ABLIM2: variants seen among roughly 807,000 people sequenced by gnomAD.
ABLIM2 encodes actin-binding LIM protein 2.
A neutral mutation model predicts 97.7 loss-of-function variants in ABLIM2; 53 were observed. That is an observed-to-expected ratio of 0.54 (90% CI 0.44 to 0.68). The LOEUF (loss-of-function observed/expected upper bound fraction) is 0.68. Ranked by LOEUF, ABLIM2 falls within the 30% of genes least tolerant of loss-of-function variation. The pLI is 0.00. For missense variants in ABLIM2, 835 were observed against 867.2 expected (o/e 0.96, Z 0.47); for synonymous variants, 361 against 345.8 (o/e 1.04, Z -0.49).
chr4:8,007,970 A>T, intron 16 of ABLIM2, 89 bp downstream of exon 16: 1 of 1,565,644 alleles, frequency 6.4e-7, no homozygotes. Context: ...CAAGGCTTAG[A>T]TGTAGGGGGA....
Position 8,005,894 on chromosome 4 carries a change from G to A in ABLIM2, c.1618+2165C>T, listed in dbSNP as rs959792365. 2.0e-5 allele frequency among the ~76,000 whole-genome samples: 3 copies of A among 152,198 alleles called. No individual in the cohort carries two copies. Among genetic ancestry groups the A allele is most frequent in the South Asian group, 2.1e-4 (1 of 4,832 alleles). The stretch of plus-strand genomic sequence containing the variant: ...GTCTGTGCTGGAGCAGAATCTCCCC[G>A]GGGAATTCATGAGTGCAGCACGGGC... On this transcript the variant is annotated intron_variant, in intron 16 of 20. Transcript: ENST00000447017. The surrounding 1 kb of genome is among the most constrained non-coding windows in gnomAD (Gnocchi z 4.9).
At chr4:8,100,407 A>G (rs552855156) in intron 2 of ABLIM2, among the ~76,000 whole-genome samples, 6 of 152,270 alleles carry the variant, frequency 3.9e-5, no homozygotes, top group South Asian at 4.1e-4. Flanking sequence ...CCTCATGTGT[A>G]AAATAGAGTT....
rs531325796 is a variant in ABLIM2, at chr4:7,999,108, C to T, written c.1619-6181G>A. Among the ~76,000 whole-genome samples the T allele has an allele frequency of 4.6e-5, 7 of 152,192 alleles. No homozygotes were observed. Among genetic ancestry groups the T allele is most frequent in the East Asian group, 3.9e-4 (2 of 5,174 alleles). The stretch of plus-strand genomic sequence containing the variant: ...GAGACGGAGTTTTGTTCTTGTTCCC[C>T]GGGCTGGAGTACAATGGCGTGATCT... On this transcript the variant is annotated intron_variant, in intron 16 of 20. Coordinates refer to ENST00000447017, the MANE Select transcript of ABLIM2 (RefSeq NM_001130083.2). The surrounding 1 kb of genome is among the most constrained non-coding windows in gnomAD (Gnocchi z 4.4).
rs372895534 is a variant in ABLIM2 at position 7,983,309 on chromosome 4, T to A, written c.1779A>T (p.Arg593=). 6.2e-7 allele frequency: 1 copy of A among 1,612,340 alleles called. No homozygotes were observed. The highest frequency in any genetic ancestry group is 1.3e-5 in the African/African-American group (1 of 74,752). ...YPYDSLIVTN[R]IRVKLPKDVD... is the part of the protein sequence containing the mutation. Reference sequence around the variant, plus strand: ...CGTCTTTGGGCAGTTTCACGCGAATTCGGTTTGTGACGATGAGGGAGTCAT... The same window carrying A: ...CGTCTTTGGGCAGTTTCACGCGAATACGGTTTGTGACGATGAGGGAGTCAT... The change falls in exon 20 of 21, where the codon CGA becomes CGT. Residue 593 remains arginine, a synonymous_variant. Coordinates refer to ENST00000447017, the MANE Select transcript of ABLIM2 (RefSeq NM_001130083.2).
At chr4:7,997,071 C>T (rs960426612) in intron 16 of ABLIM2, among the ~76,000 whole-genome samples, 29 of 152,002 alleles carry the variant, frequency 1.9e-4, no homozygotes, top group African/African-American at 6.3e-4. Flanking sequence ...TTATTTTTTA[C>T]ATATTTATTT....
rs1176928266 is a variant in ABLIM2 at position 8,058,866 on chromosome 4, T to C, written c.763+2101A>G. Among the ~76,000 whole-genome samples, 1 of 152,112 alleles carries C rather than the reference T, an allele frequency of 6.6e-6. No individual in the cohort carries two copies. The highest frequency in any genetic ancestry group is 1.5e-5 in the Non-Finnish European group (1 of 68,016). On this transcript the variant is annotated intron_variant, in intron 7 of 20. Transcript: ENST00000447017. The surrounding 1 kb of genome is among the most constrained non-coding windows in gnomAD (Gnocchi z 4.2). ...CCTCCACTTCTGATTGAGTTCCTCA[T>C]CCCATCTTTGACGACTCAGTCCTTA... is the stretch of plus-strand genomic sequence containing the variant.
chr4:7,970,190 G>A lies in ABLIM2; in HGVS notation c.1825-3087C>T, dbSNP rs79514341. 6.5e-3 allele frequency among the ~76,000 whole-genome samples: 993 copies of A among 152,270 alleles called. 7 individuals carry two copies. The highest frequency in any genetic ancestry group is 9.0e-3 in the Non-Finnish European group (615 of 68,026). On this transcript the variant is annotated intron_variant, in intron 20 of 20. Coordinates refer to ENST00000447017, the MANE Select transcript of ABLIM2 (RefSeq NM_001130083.2). The surrounding 1 kb of genome is among the most constrained non-coding windows in gnomAD (Gnocchi z 5.3). ...CCTGGCAGGGGTAGGCTGGGGTGGT[G>A]AACTGACACGTAAGTAAATATGTAA...
At position 8,054,024 on chromosome 4, in the gene ABLIM2, C is replaced by T. The variant is rs761806424; in HGVS notation, c.822+164G>A. Among the ~76,000 whole-genome samples, 1 of 152,198 alleles carries T rather than the reference C, an allele frequency of 6.6e-6. No homozygotes were observed. The highest frequency in any genetic ancestry group is 1.5e-5 in the Non-Finnish European group (1 of 68,046). ...TCCATCTGTATTATTGCTCACCAGT[C>T]TACTTGTTTACCCTCCCCACCTCCT... On this transcript the variant is annotated intron_variant, in intron 8 of 20. Coordinates refer to ENST00000447017, the MANE Select transcript of ABLIM2 (RefSeq NM_001130083.2). The surrounding 1 kb of genome is among the most constrained non-coding windows in gnomAD (Gnocchi z 4.9).
rs535338281 is a variant in ABLIM2, at chr4:8,010,709, A to T, written c.1424-1607T>A. The T allele has an allele frequency of 1.4e-5, 8 of 575,372 alleles. No individual in the cohort carries two copies. The South Asian group carries it at 5.3e-4, about 38-fold the overall frequency. 35.6% of individuals were successfully genotyped at this position (575,372 alleles called of 1,614,324 possible). A position where few individuals can be genotyped will look rare whatever the true frequency, so the allele number is the denominator to read the frequency against. On this transcript the variant is annotated intron_variant, in intron 14 of 20. Coordinates refer to ENST00000447017, the MANE Select transcript of ABLIM2 (RefSeq NM_001130083.2). ...CCTGCTCTCCCCACTCACAGAGGCA[A>T]ATCAACGCCAAGCCTGCTCAAGAAG...
intron 6 of ABLIM2, among the ~76,000 whole-genome samples, chr4:8,073,408 G>T (rs543752347): frequency 6.6e-6 from 1 of 151,806 alleles, no homozygotes; most frequent in African/African-American, 2.4e-5. Context: ...GCTGTTCTTC[G>T]CGGAGAACGG....
rs1387815697 is a variant in ABLIM2, at chr4:8,132,170, C to T, written c.11-25533G>A. On this transcript the variant is annotated intron_variant, in intron 1 of 20. Coordinates refer to ENST00000447017, the MANE Select transcript of ABLIM2 (RefSeq NM_001130083.2). The surrounding 1 kb of genome is among the most constrained non-coding windows in gnomAD (Gnocchi z 8.0). ...GGAAAGGAAACAGCGTACATGGTCCCACGAGGCTGCAATCACCCCCCTGCT... is the reference window on the plus strand; with the variant it reads ...GGAAAGGAAACAGCGTACATGGTCCTACGAGGCTGCAATCACCCCCCTGCT... Among the ~76,000 whole-genome samples the T allele has an allele frequency of 1.3e-5, 2 of 151,908 alleles. No homozygotes were observed. The highest frequency in any genetic ancestry group is 4.8e-5 in the African/African-American group (2 of 41,338).
rs1035700056 is a variant in ABLIM2, at chr4:8,015,048, G to C, written c.1423+4570C>G. 1.3e-5 allele frequency among the ~76,000 whole-genome samples: 2 copies of C among 151,944 alleles called. No individual in the cohort carries two copies. The highest frequency in any genetic ancestry group is 4.8e-5 in the African/African-American group (2 of 41,362). ...CAATTCTCGTACTTCAGCCTCCCGA[G>C]TAGCTGGGATTACAGGCGCCGGCCA... On this transcript the variant is annotated intron_variant, in intron 14 of 20. Transcript: ENST00000447017. The surrounding 1 kb of genome is among the most constrained non-coding windows in gnomAD (Gnocchi z 4.6).
intron 1 of ABLIM2, among the ~76,000 whole-genome samples, chr4:8,116,924 G>C (rs1423084751): frequency 6.6e-6 from 1 of 152,186 alleles, no homozygotes; most frequent in Non-Finnish European, 1.5e-5. Flanking sequence ...TTACAAATAA[G>C]CCTTATGCAT....
In ABLIM2 at chr4:8,155,472, G is replaced by C. The variant is rs776416519; in HGVS notation, c.10+3208C>G. Among the ~76,000 whole-genome samples the C allele has an allele frequency of 1.3e-5, 2 of 152,124 alleles. No homozygotes were observed. The highest frequency in any genetic ancestry group is 4.8e-5 in the African/African-American group (2 of 41,418). ...TGTGCAGGTGGGTGGGTTTGGGCTGGAACATTCCTCATGTCCCTTCCAGTT... is the reference window on the plus strand; with the variant it reads ...TGTGCAGGTGGGTGGGTTTGGGCTGCAACATTCCTCATGTCCCTTCCAGTT... On this transcript the variant is annotated intron_variant, in intron 1 of 20. Coordinates refer to ENST00000447017, the MANE Select transcript of ABLIM2 (RefSeq NM_001130083.2). This position sits in a 1 kb window ranked among gnomAD's most constrained non-coding sequence, Gnocchi z 4.2.
chr4:8,060,438 G>A (rs1433969552), intron 7 of ABLIM2, among the ~76,000 whole-genome samples: 2 of 152,096 alleles, frequency 1.3e-5, no homozygotes, highest in Non-Finnish European at 2.9e-5. Context: ...TCCTCCTTTC[G>A]TCAATGCTCT....
chr4:8,014,387 T>A (rs1214391174), intron 14 of ABLIM2, among the ~76,000 whole-genome samples: 1 of 152,230 alleles, frequency 6.6e-6, no homozygotes, highest in Non-Finnish European at 1.5e-5. Flanking sequence ...TCAACAGGAT[T>A]TTTTTCTGTT....
At chr4:8,145,200 T>A (rs1431497098) in intron 1 of ABLIM2, among the ~76,000 whole-genome samples, 3 of 151,002 alleles carry the variant, frequency 2.0e-5, no homozygotes, top group Non-Finnish European at 4.4e-5. Flanking sequence ...TTTTTTTTTT[T>A]CCAGACAGAG....
At chr4:8,154,569 C>T (rs180954597) in intron 1 of ABLIM2, among the ~76,000 whole-genome samples, 9 of 152,332 alleles carry the variant, frequency 5.9e-5, no homozygotes, top group East Asian at 3.9e-4. Context: ...CGTAAGCCAC[C>T]GCACCCGGCC....
At chr4:8,053,207 C>T (rs1797102882) in intron 8 of ABLIM2, among the ~76,000 whole-genome samples, 1 of 152,222 alleles carries the variant, frequency 6.6e-6, no homozygotes, top group Non-Finnish European at 1.5e-5. Flanking sequence ...CCTTTCAGAA[C>T]TCAAAAGAAT....
Sources: gnomAD v4.1 joint callset for allele counts (sites outside exome capture counted in the v4.1 genomes callset) on GRCh38, gnomAD v4.1.1 for gene constraint, Gnocchi (gnomAD v3.1) non-coding constraint, MANE v1.5 for transcripts, NCBI Gene and HGNC (gene_info 2026-07-23, HGNC 2026-07-21) for gene names.